Variants in TENM3 observed in about 807,000 individuals in gnomAD.
The protein encoded by TENM3 is teneurin-3.
TENM3 carries 63 observed loss-of-function variants against 255.1 expected under a neutral mutation model. That is an observed-to-expected ratio of 0.25 (90% CI 0.20 to 0.30). The LOEUF (loss-of-function observed/expected upper bound fraction) is 0.30. Among genes scored for constraint, TENM3 ranks in the 10% least tolerant of loss-of-function variants. The pLI is 1.00. For synonymous variants in TENM3, 1,306 were observed against 1,322.3 expected, an observed-to-expected ratio of 0.99 and a Z score of 0.27; for missense variants, 2,929 against 3,461.1, an observed-to-expected ratio of 0.85 and a Z score of 3.86.
rs1476480482 is a variant in TENM3 at position 182,800,425 on chromosome 4, C to G, written c.*74C>G. The G allele has an allele frequency of 6.9e-6, 10 of 1,457,366 alleles. No individual in the cohort carries two copies. Among genetic ancestry groups the G allele is most frequent in the Non-Finnish European group, 9.1e-6 (10 of 1,102,978 alleles). The allele number at this position is 1,457,366 out of a possible 1,614,324, so 90.3% of individuals were successfully genotyped here. The stretch of plus-strand genomic sequence containing the variant: ...TGTGGCACAACCCGAGTGGGACTCT[C>G]CAACGCCCAAGAGCCTTCCTCCCGG... On this transcript the variant is annotated 3_prime_UTR_variant, in exon 28 of 28. Transcript: ENST00000511685.
chr4:181,888,000 T>C, the TENM3 span, among the ~76,000 whole-genome samples: 1 of 152,266 alleles, frequency 6.6e-6, no homozygotes, highest in South Asian at 2.1e-4. Flanking sequence ...AGGCTCAATT[T>C]TATTCTATTC....
chr4:182,324,073 A>G lies in TENM3; in HGVS notation c.53A>G (p.Glu18Gly). The G allele has an allele frequency of 6.2e-7, 1 of 1,614,020 alleles. No homozygotes were observed. The highest frequency in any genetic ancestry group is 8.5e-7 in the Non-Finnish European group (1 of 1,179,906). Residue 18 changes from glutamate (E) to glycine (G), a missense_variant, in exon 2 of 28, where the codon GAG (glutamate) becomes GGG (glycine). This residue lies in a region of TENM3 where 283 missense variants were observed against 256.9 expected (regional missense o/e 1.10). Coordinates refer to ENST00000511685, the MANE Select transcript of TENM3 (RefSeq NM_001080477.4). ...PYCSLTKSRREKERRYTNSSA... is the reference protein window; with the variant it reads ...PYCSLTKSRRGKERRYTNSSA... ...TGCTCCCTGACCAAGAGCAGACGAG[A>G]GAAGGAACGGCGCTACACAAATTCC...
At chr4:181,867,528 T>G in the TENM3 span, among the ~76,000 whole-genome samples, 1 of 152,182 alleles carries the variant, frequency 6.6e-6, no homozygotes, top group African/African-American at 2.4e-5. Flanking sequence ...ACTTCTTTGT[T>G]TGCTTAATTT....
the TENM3 span, chr4:182,085,079 A>AAAGAGG: frequency 6.6e-6 from 1 of 152,316 alleles, no homozygotes; most frequent in South Asian, 2.1e-4. Context: ...ATCCATAAAG[A>AAAGAGG]AAGAGGAAGA....
At chr4:181,707,036 T>A in the TENM3 span, among the ~76,000 whole-genome samples, 11 of 152,182 alleles carry the variant, frequency 7.2e-5, no homozygotes, top group Non-Finnish European at 1.3e-4. Context: ...ATGGAAGTAC[T>A]AGACTGCAGG....
chr4:182,130,239 T>C, the TENM3 span, among the ~76,000 whole-genome samples: 1 of 152,118 alleles, frequency 6.6e-6, no homozygotes, highest in Non-Finnish European at 1.5e-5. Context: ...TAAATAAAGG[T>C]TTTACTGAAT....
At chr4:181,457,539 A>G in the TENM3 span, among the ~76,000 whole-genome samples, 1 of 151,846 alleles carries the variant, frequency 6.6e-6, no homozygotes, top group Non-Finnish European at 1.5e-5. Context: ...TTACTGATCA[A>G]TATGTTTTGA....
chr4:182,352,449 T>A (rs1765248320), intron 3 of TENM3, among the ~76,000 whole-genome samples: 1 of 152,168 alleles, frequency 6.6e-6, no homozygotes, highest in African/African-American at 2.4e-5. Context: ...TAACAGGCAA[T>A]TTAACTGATG....
At chr4:181,527,799 G>A in the TENM3 span, among the ~76,000 whole-genome samples, 2 of 148,330 alleles carry the variant, frequency 1.3e-5, no homozygotes, top group Non-Finnish European at 3.0e-5. Context: ...ACATTTGCTT[G>A]TAGTCTTTTT....
chr4:182,729,289 A>C (rs1438029307), intron 14 of TENM3, 108 bp downstream of exon 14: 1 of 961,066 alleles, frequency 1.0e-6, no homozygotes, highest in Admixed American at 2.6e-5. Flanking sequence ...CTGTTTTTTA[A>C]ATACAGTTTT....
the TENM3 span, among the ~76,000 whole-genome samples, chr4:181,924,316 C>T: frequency 6.6e-6 from 1 of 152,168 alleles, no homozygotes; most frequent in African/African-American, 2.4e-5. Flanking sequence ...GCTGATGGAC[C>T]TTTGAGTGTT....
chr4:181,492,777 A>T, the TENM3 span, among the ~76,000 whole-genome samples: 2 of 152,186 alleles, frequency 1.3e-5, no homozygotes, highest in Non-Finnish European at 2.9e-5. Context: ...TCCCATCTGT[A>T]ATATGAGAGA....
chr4:182,346,984 G>C, intron 3 of TENM3, 55 bp downstream of exon 3: 1 of 1,246,204 alleles, frequency 8.0e-7, no homozygotes, highest in Non-Finnish European at 1.0e-6. Flanking sequence ...TGTCTGTTTT[G>C]GTTGACTCCG....
chr4:182,156,036 A>G (rs1404876026), intron 1 of TENM3, among the ~76,000 whole-genome samples: 1 of 139,214 alleles, frequency 7.2e-6, no homozygotes, highest in African/African-American at 2.7e-5. Context: ...TTTTTTGCAA[A>G]TGTAATTACA....
intron 3 of TENM3, among the ~76,000 whole-genome samples, chr4:182,552,592 A>G (rs1342552497): frequency 6.6e-6 from 1 of 152,262 alleles, no homozygotes; most frequent in Non-Finnish European, 1.5e-5. Context: ...ACTCATGAAA[A>G]GAACTCAAGA....
chr4:181,635,038 C>T, the TENM3 span, among the ~76,000 whole-genome samples: 1 of 152,118 alleles, frequency 6.6e-6, no homozygotes, highest in East Asian at 1.9e-4. Context: ...ATTGTGAGAC[C>T]TATCTCTGAA....
intron 2 of TENM3, among the ~76,000 whole-genome samples, chr4:182,344,276 A>G (rs1334837939): frequency 6.6e-6 from 1 of 152,156 alleles, no homozygotes; most frequent in African/African-American, 2.4e-5. Flanking sequence ...ACTAAAACAA[A>G]CTTTTTAATT....
the TENM3 span, among the ~76,000 whole-genome samples, chr4:181,678,446 T>A: frequency 3.3e-5 from 5 of 152,120 alleles, no homozygotes; most frequent in East Asian, 9.7e-4. Context: ...AAGGCAAGAA[T>A]TTAGGAGGCA....
intron 3 of TENM3, among the ~76,000 whole-genome samples, chr4:182,521,638 T>C (rs1359681323): frequency 1.3e-5 from 2 of 152,236 alleles, no homozygotes; most frequent in Non-Finnish European, 2.9e-5. Flanking sequence ...TTCTTTGTAC[T>C]TTAATGAAAA....
Sources: gnomAD v4.1 joint callset for allele counts (sites outside exome capture counted in the v4.1 genomes callset) on GRCh38, gnomAD v4.1.1 for gene constraint, gnomAD v4.1.1 regional missense constraint, MANE v1.5 for transcripts, NCBI Gene and HGNC (gene_info 2026-07-23, HGNC 2026-07-21) for gene names.